Variants in SOS1 observed in about 807,000 individuals in gnomAD.
SOS1 encodes the protein son of sevenless homolog 1.
Under a neutral mutation model 157.6 loss-of-function variants are expected in SOS1, and 25 were observed. That is an observed-to-expected ratio of 0.16 (90% CI 0.12 to 0.22). The LOEUF is 0.22. SOS1 is among the 10% of genes least tolerant of loss of function. The pLI is 1.00. For missense variants in SOS1, 1,237 were observed against 1,599.1 expected (o/e 0.77, Z 3.86); for synonymous variants, 528 against 534.0 (o/e 0.99, Z 0.16).
At chr2:39,012,639 G>T (rs908083067) in intron 13 of SOS1, among the ~76,000 whole-genome samples, 4 of 152,014 alleles carry the variant, frequency 2.6e-5, no homozygotes, top group Non-Finnish European at 4.4e-5. Flanking sequence ...CCATCCCATT[G>T]TTCTGATCTT....
At chr2:39,021,434 A>G (rs1291531034) in intron 10 of SOS1, among the ~76,000 whole-genome samples, 1 of 151,436 alleles carries the variant, frequency 6.6e-6, no homozygotes, top group African/African-American at 2.4e-5. Flanking sequence ...AACAATTAAA[A>G]ATTTTGTAAT....
chr2:39,045,814 T>C (rs1329587667), intron 6 of SOS1, among the ~76,000 whole-genome samples: 2 of 152,152 alleles, frequency 1.3e-5, no homozygotes, highest in Non-Finnish European at 1.5e-5. Flanking sequence ...CTTCAAGAAA[T>C]TCTCCTGCCT....
intron 1 of SOS1, among the ~76,000 whole-genome samples, chr2:39,103,544 T>G (rs1389421765): frequency 6.6e-6 from 1 of 152,112 alleles, no homozygotes; most frequent in Non-Finnish European, 1.5e-5. Context: ...AATGGAGAAA[T>G]AAGACCCTGC....
chr2:39,025,443 A>C (rs1418166347), intron 8 of SOS1, among the ~76,000 whole-genome samples: 1 of 151,404 alleles, frequency 6.6e-6, no homozygotes, highest in African/African-American at 2.4e-5. Context: ...TCTGCCTCCC[A>C]GCTTCAAGTA....
intron 15 of SOS1, among the ~76,000 whole-genome samples, chr2:39,010,356 T>C (rs1247638211): frequency 6.6e-6 from 1 of 150,540 alleles, no homozygotes; most frequent in African/African-American, 2.4e-5. Context: ...AAAATTAAAA[T>C]TAGGTGAGTG....
chr2:39,056,469 C>G (rs571090055), intron 4 of SOS1, among the ~76,000 whole-genome samples: 1 of 152,096 alleles, frequency 6.6e-6, no homozygotes, highest in Non-Finnish European at 1.5e-5. Context: ...CTCTAATTAA[C>G]CCTAGTTGCA....
At chr2:39,018,234 G>C (rs1189842529) in intron 10 of SOS1, among the ~76,000 whole-genome samples, 1 of 151,724 alleles carries the variant, frequency 6.6e-6, no homozygotes, top group Non-Finnish European at 1.5e-5. Flanking sequence ...CTTACTTGTG[G>C]AGATAATTCC....
chr2:39,085,126 G>A lies in SOS1; in HGVS notation c.88-17373C>T, dbSNP rs1672328234. ...AGTGTCGTGTTCACAGCTCACTGCA[G>A]CCTTGACCTCCTGGGCCCAAGTGAT... On this transcript the variant is annotated intron_variant, in intron 1 of 22. Coordinates refer to ENST00000402219, the MANE Select transcript of SOS1 (RefSeq NM_005633.4). Among the ~76,000 whole-genome samples, 3 of 152,150 alleles carry A rather than the reference G, an allele frequency of 2.0e-5. No individual in the cohort carries two copies. In the South Asian group the frequency reaches 6.2e-4, roughly 32 times the overall value.
At chr2:39,017,244 T>G (rs1210167645) in intron 10 of SOS1, among the ~76,000 whole-genome samples, 1 of 152,042 alleles carries the variant, frequency 6.6e-6, no homozygotes, top group East Asian at 1.9e-4. Flanking sequence ...CTCCCTGGAT[T>G]AAAGAAACCC....
chr2:39,104,916 T>C (rs962124917), intron 1 of SOS1, among the ~76,000 whole-genome samples: 2 of 152,222 alleles, frequency 1.3e-5, no homozygotes, highest in Non-Finnish European at 2.9e-5. Context: ...TGGGAAAGAA[T>C]AGATGGTAGT....
At chr2:39,067,483 T>G in intron 2 of SOS1, 145 bp downstream of exon 2, 1 of 781,776 alleles carries the variant, frequency 1.3e-6, no homozygotes, top group East Asian at 2.5e-5. Flanking sequence ...GGATAAGGGA[T>G]ACTCAACCTG....
chr2:38,982,532 C>G lies in SOS1; in HGVS notation c.*3292G>C, dbSNP rs576772091. ...TGCAATACAACAGGACCTATACTTGCGTAGTCACACAATATATGTTAAAAG... is the reference window on the plus strand; with the variant it reads ...TGCAATACAACAGGACCTATACTTGGGTAGTCACACAATATATGTTAAAAG... On this transcript the variant is annotated 3_prime_UTR_variant, in exon 23 of 23. Coordinates refer to ENST00000402219, the MANE Select transcript of SOS1 (RefSeq NM_005633.4). The G allele has an allele frequency of 2.0e-5, 3 of 152,224 alleles. No individual in the cohort carries two copies. The highest frequency in any genetic ancestry group is 7.2e-5 in the African/African-American group (3 of 41,532). The allele number at this position is 152,224 out of a possible 1,614,324, so 9.4% of individuals were successfully genotyped here. A position where few individuals can be genotyped will look rare whatever the true frequency, so the allele number is the denominator to read the frequency against.
At chr2:39,066,692 A>G (rs1671599249) in intron 2 of SOS1, among the ~76,000 whole-genome samples, 1 of 152,192 alleles carries the variant, frequency 6.6e-6, no homozygotes, top group African/African-American at 2.4e-5. Context: ...CAAGGGCCAT[A>G]TCATCTTTCT....
chr2:39,034,238 A>G (rs1670265805), intron 8 of SOS1, among the ~76,000 whole-genome samples: 1 of 152,240 alleles, frequency 6.6e-6, no homozygotes, highest in Non-Finnish European at 1.5e-5. Context: ...CCAAATGACT[A>G]CTATGCAGTG....
chr2:39,035,881 A>C (rs1558480840), intron 6 of SOS1, among the ~76,000 whole-genome samples: 1 of 152,202 alleles, frequency 6.6e-6, no homozygotes, highest in Non-Finnish European at 1.5e-5. Flanking sequence ...TAGAATACTG[A>C]AGCCAGACAT....
chr2:39,061,989 T>C (rs564985816), intron 2 of SOS1, among the ~76,000 whole-genome samples: 1 of 71,448 alleles, frequency 1.4e-5, no homozygotes, highest in East Asian at 4.0e-4. Flanking sequence ...CTTACATATG[T>C]ACTTCAGTTA....
At chr2:39,039,985 G>C (rs148268656) in intron 6 of SOS1, among the ~76,000 whole-genome samples, 3 of 152,002 alleles carry the variant, frequency 2.0e-5, no homozygotes, top group African/African-American at 7.2e-5. Flanking sequence ...CCATGTTGTA[G>C]CATGTTTCAA....
At chr2:39,053,319 G>C (rs1250978803) in intron 5 of SOS1, among the ~76,000 whole-genome samples, 1 of 152,162 alleles carries the variant, frequency 6.6e-6, no homozygotes, top group Non-Finnish European at 1.5e-5. Flanking sequence ...TGAGTATGTA[G>C]TAGTATGTCA....
At chr2:39,058,425 A>G (rs866648071) in intron 3 of SOS1, among the ~76,000 whole-genome samples, 2 of 151,956 alleles carry the variant, frequency 1.3e-5, no homozygotes, top group Admixed American at 6.6e-5. Context: ...AAAATCCACA[A>G]TAACTTTCTT....
Sources: gnomAD v4.1 joint callset for allele counts (sites outside exome capture counted in the v4.1 genomes callset) on GRCh38, gnomAD v4.1.1 for gene constraint, MANE v1.5 for transcripts, NCBI Gene and HGNC (gene_info 2026-07-23, HGNC 2026-07-21) for gene names.